The following HPSE2 variants were observed in gnomAD, a reference collection of about 807,000 sequenced individuals.
HPSE2 encodes inactive heparanase-2.
A neutral mutation model predicts 60.5 loss-of-function variants in HPSE2; 38 were observed. That is an observed-to-expected ratio of 0.63 (90% CI 0.48 to 0.82). HPSE2 has a LOEUF of 0.82. HPSE2 is among the 40% of genes least tolerant of loss of function. The probability of loss-of-function intolerance (pLI) is 0.00; values close to 1 mark genes in which losing one functional copy is unlikely to be tolerated. For missense variants in HPSE2, 713 were observed against 740.4 expected (o/e 0.96, Z 0.43); for synonymous variants, 295 against 293.2 (o/e 1.01, Z -0.06).
chr10:98,538,455 T>A (rs2133817390), intron 9 of HPSE2, among the ~76,000 whole-genome samples: 1 of 152,256 alleles, frequency 6.6e-6, no homozygotes, highest in Non-Finnish European at 1.5e-5. Context: ...TTTACACTAG[T>A]TTCTTGAAGC....
chr10:98,668,029 C>G (rs564673541), intron 6 of HPSE2, among the ~76,000 whole-genome samples: 31 of 152,002 alleles, frequency 2.0e-4, no homozygotes, highest in African/African-American at 7.2e-4. Context: ...GCATAGAAAA[C>G]CCAAAAGGCT....
intron 11 of HPSE2, among the ~76,000 whole-genome samples, chr10:98,462,076 T>C (rs991345776): frequency 3.9e-5 from 6 of 152,230 alleles, no homozygotes; most frequent in Non-Finnish European, 4.4e-5. Context: ...GAACGTTATA[T>C]AGGCACCAAA....
At chr10:98,589,050 T>TA (rs1945016062) in intron 9 of HPSE2, among the ~76,000 whole-genome samples, 1 of 152,086 alleles carries the variant, frequency 6.6e-6, no homozygotes, top group Non-Finnish European at 1.5e-5. Context: ...AGTGTGTTTT[T>TA]AAAAAAATAT....
chr10:98,870,043 G>A (rs1272738627), intron 3 of HPSE2, among the ~76,000 whole-genome samples: 1 of 152,064 alleles, frequency 6.6e-6, no homozygotes, highest in Non-Finnish European at 1.5e-5. Flanking sequence ...AAAATATAGT[G>A]CTTGCAAACT....
intron 10 of HPSE2, among the ~76,000 whole-genome samples, chr10:98,488,935 T>C (rs1941542120): frequency 6.6e-6 from 1 of 151,992 alleles, no homozygotes; most frequent in Non-Finnish European, 1.5e-5. Context: ...CTCAGAGTGA[T>C]TCTTTGAAAA....
intron 2 of HPSE2, among the ~76,000 whole-genome samples, chr10:99,169,059 G>A (rs893161621): frequency 6.6e-6 from 1 of 151,876 alleles, no homozygotes; most frequent in South Asian, 2.1e-4. Flanking sequence ...CAGGCGTGGT[G>A]GTGGGCGCCT....
intron 3 of HPSE2, among the ~76,000 whole-genome samples, chr10:98,863,779 A>G (rs565423529): frequency 6.6e-6 from 1 of 152,308 alleles, no homozygotes; most frequent in African/African-American, 2.4e-5. Context: ...AATATTTTAT[A>G]TTCAAGCTCT....
chr10:98,611,804 T>G (rs1945769126), intron 9 of HPSE2, among the ~76,000 whole-genome samples: 2 of 152,234 alleles, frequency 1.3e-5, no homozygotes, highest in Non-Finnish European at 2.9e-5. Flanking sequence ...CCTTTTTAAG[T>G]GCTTTTACAT....
At chr10:98,890,570 T>C (rs896939198) in intron 3 of HPSE2, among the ~76,000 whole-genome samples, 3 of 152,306 alleles carry the variant, frequency 2.0e-5, no homozygotes, top group Non-Finnish European at 4.4e-5. Context: ...ATGTTTCTCC[T>C]TTAATTTTTT....
At chr10:99,152,281 G>A (rs1287299267) in intron 2 of HPSE2, among the ~76,000 whole-genome samples, 24 of 148,806 alleles carry the variant, frequency 1.6e-4, no homozygotes, top group African/African-American at 5.5e-4. Flanking sequence ...ACTGCACTTC[G>A]GCCTGGACAA....
At chr10:99,144,028 GTTCTGTGTTTTGAGAAGAAAACAC>G (rs1204631945) in intron 3 of HPSE2, among the ~76,000 whole-genome samples, 186 bp downstream of exon 3, 2 of 152,300 alleles carry the variant, frequency 1.3e-5, no homozygotes, top group African/African-American at 4.8e-5. Context: ...GTTTTCATCA[GTTCTGTGTTTTGAGAAGAAAACAC>G]ATGCTGAATC....
At chr10:98,556,230 A>G (rs1248301504) in intron 9 of HPSE2, among the ~76,000 whole-genome samples, 2 of 152,238 alleles carry the variant, frequency 1.3e-5, no homozygotes, top group Non-Finnish European at 2.9e-5. Flanking sequence ...GGAGAACAGA[A>G]GAGGGATGTA....
At chr10:99,034,580 C>T (rs547935712) in intron 3 of HPSE2, among the ~76,000 whole-genome samples, 4 of 151,926 alleles carry the variant, frequency 2.6e-5, no homozygotes, top group Non-Finnish European at 5.9e-5. Context: ...TACGTGTACA[C>T]AGAGACATAA....
At chr10:99,276,786 A>G in the HPSE2 span, among the ~76,000 whole-genome samples, 1 of 152,214 alleles carries the variant, frequency 6.6e-6, no homozygotes, top group Non-Finnish European at 1.5e-5. Flanking sequence ...TTAGTTCTAC[A>G]GAAGTACCCT....
chr10:98,762,054 A>C (rs1589782502), intron 3 of HPSE2, among the ~76,000 whole-genome samples: 3 of 120,490 alleles, frequency 2.5e-5, no homozygotes, highest in East Asian at 2.4e-4. Flanking sequence ...TTTTCTTCTC[A>C]TTTCTCTCCC....
At chr10:99,183,236 T>C (rs1452867612) in intron 2 of HPSE2, among the ~76,000 whole-genome samples, 4 of 152,068 alleles carry the variant, frequency 2.6e-5, no homozygotes, top group Non-Finnish European at 5.9e-5. Context: ...GGACAGAGTA[T>C]AGGAGACGGA....
At chr10:99,079,054 G>A (rs77712970) in intron 3 of HPSE2, among the ~76,000 whole-genome samples, 2 of 152,158 alleles carry the variant, frequency 1.3e-5, no homozygotes, top group East Asian at 3.9e-4. Context: ...AATCTGGGAT[G>A]CAGGATTTTT....
intron 3 of HPSE2, among the ~76,000 whole-genome samples, chr10:99,123,605 T>A (rs999618614): frequency 7.2e-5 from 11 of 152,144 alleles, no homozygotes; most frequent in Non-Finnish European, 1.3e-4. Context: ...CACCATTGAG[T>A]TCTTGTCCTG....
At chr10:98,955,394 A>T (rs1444481822) in intron 3 of HPSE2, among the ~76,000 whole-genome samples, 1 of 152,234 alleles carries the variant, frequency 6.6e-6, no homozygotes, top group Non-Finnish European at 1.5e-5. Flanking sequence ...AATGCAAATC[A>T]AAACCACAAT....
Sources: gnomAD v4.1 joint callset for allele counts (sites outside exome capture counted in the v4.1 genomes callset) on GRCh38, gnomAD v4.1.1 for gene constraint, MANE v1.5 for transcripts, NCBI Gene and HGNC (gene_info 2026-07-23, HGNC 2026-07-21) for gene names.